Variants in SAGE1 observed in about 807,000 individuals in gnomAD.
The protein encoded by SAGE1 is cancer/testis antigen 14.
SAGE1 carries 55 observed loss-of-function variants against 55.4 expected under a neutral mutation model. That is an observed-to-expected ratio of 0.99 (90% CI 0.80 to 1.24). The LOEUF is 1.24. Among genes scored for constraint, SAGE1 ranks in the 50% most tolerant of loss-of-function variants. The probability of loss-of-function intolerance (pLI) is 0.00; values close to 1 mark genes in which losing one functional copy is unlikely to be tolerated. For synonymous variants in SAGE1, 240 were observed against 244.3 expected (o/e 0.98, Z 0.17); for missense variants, 710 against 704.4 (o/e 1.01, Z -0.09).
At chrX:135,898,678 C>T (rs2088624935) in intron 2 of SAGE1, among the ~76,000 whole-genome samples, 1 of 111,828 alleles carries the variant, frequency 8.9e-6, no homozygotes, top group Admixed American at 9.5e-5. Flanking sequence ...TTTTAGTAAT[C>T]GCCATTCTGA....
At chrX:135,895,874 A>G (rs1189573455) in intron 1 of SAGE1, among the ~76,000 whole-genome samples, 1 of 111,573 alleles carries the variant, frequency 9.0e-6, no homozygotes, top group Non-Finnish European at 1.9e-5. Context: ...TAATATTTAG[A>G]ATTATAGATT....
chrX:135,895,483 A>G (rs1182830377), intron 1 of SAGE1, among the ~76,000 whole-genome samples: 3 of 112,350 alleles, frequency 2.7e-5, no homozygotes, highest in Non-Finnish European at 3.8e-5. Flanking sequence ...TGTAGATTTA[A>G]TCAAATTATC....
At chrX:135,902,464 C>T (rs1238312187) in intron 3 of SAGE1, among the ~76,000 whole-genome samples, 9 of 112,588 alleles carry the variant, frequency 8.0e-5, no homozygotes, top group African/African-American at 2.9e-4. Flanking sequence ...ATTAAAGATA[C>T]TGTCCATTAG....
Position 135,911,344 on chromosome X carries a change from T to C in SAGE1, c.2146+12T>C, listed in dbSNP as rs1569521758. ...TACCAGGGATCTGTGTATGTTTGTG[T>C]ATTGGTTGTACTGTCCTACTTGGTT... On this transcript the variant is annotated intron_variant, in intron 17 of 19. Coordinates refer to ENST00000370709, the MANE Select transcript of SAGE1 (RefSeq NM_001381902.1). The C allele has an allele frequency of 1.2e-5, 14 of 1,203,056 alleles. No individual in the cohort carries two copies. Among genetic ancestry groups the C allele is most frequent in the Non-Finnish European group, 1.5e-5 (13 of 889,061 alleles).
Position 135,908,648 on chromosome X carries a change from C to T in SAGE1, c.1441+31C>T, listed in dbSNP as rs2088841794. ...TGTGTTTTTTAGTTATACCATCCTCCTTGATTTCCATATGCATGCATAGTG... is the reference window on the plus strand; with the variant it reads ...TGTGTTTTTTAGTTATACCATCCTCTTTGATTTCCATATGCATGCATAGTG... On this transcript the variant is annotated intron_variant, in intron 12 of 19. Coordinates refer to ENST00000370709, the MANE Select transcript of SAGE1 (RefSeq NM_001381902.1). The T allele has an allele frequency of 2.6e-6, 3 of 1,150,795 alleles. No individual in the cohort carries two copies. The African/African-American group carries it at 5.4e-5, about 21-fold the overall frequency. The allele number at this position is 1,150,795 out of a possible 1,213,427, so 94.8% of individuals were successfully genotyped here.
chrX:135,899,181 G>A (rs1407070985), intron 2 of SAGE1, among the ~76,000 whole-genome samples: 1 of 111,664 alleles, frequency 9.0e-6, no homozygotes, highest in African/African-American at 3.3e-5. Context: ...TAAGGTGTAA[G>A]GAAGGAGCCC....
chrX:135,909,909 C>T, intron 14 of SAGE1, 121 bp from the exon 15 acceptor site: 1 of 969,270 alleles, frequency 1.0e-6, no homozygotes, highest in Non-Finnish European at 1.4e-6. Flanking sequence ...AGATCGCCAT[C>T]TGGCATATCC....
At chrX:135,909,346 T>C (rs782795703) in intron 13 of SAGE1, among the ~76,000 whole-genome samples, 1 of 112,195 alleles carries the variant, frequency 8.9e-6, no homozygotes, top group South Asian at 3.7e-4. Context: ...GCAGGGCTTA[T>C]GAATGTCACA....
chrX:135,911,469 T>A, intron 17 of SAGE1, 110 bp from the exon 18 acceptor site: 1 of 870,011 alleles, frequency 1.1e-6, no homozygotes. Flanking sequence ...ACCTGGTGTA[T>A]CCTCTTGCTT....
chrX:135,910,634 T>C, intron 16 of SAGE1, 79 bp downstream of exon 16: 5 of 952,947 alleles, frequency 5.2e-6, no homozygotes, highest in Non-Finnish European at 6.0e-6. Flanking sequence ...GAAGGTAATT[T>C]TGTTGTATAT....
intron 1 of SAGE1, among the ~76,000 whole-genome samples, 138 bp downstream of exon 1, chrX:135,893,919 T>A (rs1277555780): frequency 4.4e-5 from 5 of 112,364 alleles, no homozygotes; most frequent in African/African-American, 1.6e-4. Context: ...CTGGTATTAT[T>A]TCTTCCTTAA....
chrX:135,908,910 C>T lies in SAGE1; in HGVS notation c.1488C>T (p.Gly496=), dbSNP rs1556604236. 1 of 1,208,410 alleles carries T rather than the reference C, an allele frequency of 8.3e-7. No individual in the cohort carries two copies. Among genetic ancestry groups the T allele is most frequent in the South Asian group, 1.8e-5 (1 of 56,814 alleles). ...TTCGTGAAGAGAAGATGGAAAGTGG[C>T]AAACCCCAAACTGATAAGGTCATAT... ...HSVREEKMES[G]KPQTDKVISN... Residue 496 remains glycine, a synonymous_variant, in exon 13 of 20, where the codon GGC becomes GGT. Coordinates refer to ENST00000370709, the MANE Select transcript of SAGE1 (RefSeq NM_001381902.1).
Position 135,906,463 on chromosome X carries a change from A to G in SAGE1, c.648A>G (p.Pro216=). The change falls in exon 7 of 20, where the codon CCA becomes CCG. Residue 216 remains proline, a synonymous_variant. Coordinates refer to ENST00000370709, the MANE Select transcript of SAGE1 (RefSeq NM_001381902.1). Reference sequence around the variant, plus strand: ...AACAGAAGATGGAAAATGTCCAACCAGCACCTGATAACGTGTTGTTGACTC... The same window carrying G: ...AACAGAAGATGGAAAATGTCCAACCGGCACCTGATAACGTGTTGTTGACTC... ...VCEQKMENVQ[P]APDNVLLTLR... 8.3e-7 allele frequency: 1 copy of G among 1,210,391 alleles called. No individual in the cohort carries two copies. Among genetic ancestry groups the G allele is most frequent in the East Asian group, 3.0e-5 (1 of 33,837 alleles).
intron 17 of SAGE1, 110 bp downstream of exon 17, chrX:135,911,442 A>AG: frequency 1.1e-6 from 1 of 935,425 alleles, no homozygotes; most frequent in African/African-American, 1.9e-5. Context: ...ACTTAGTTTG[A>AG]GGGGTCTTGG....
At chrX:135,911,393 G>T in intron 17 of SAGE1, 61 bp downstream of exon 17, 1 of 1,110,436 alleles carries the variant, frequency 9.0e-7, no homozygotes, top group Non-Finnish European at 1.2e-6. Context: ...ATAGTGTCCT[G>T]CAGGGAAGAA....
At chrX:135,908,382 T>G in intron 11 of SAGE1, 95 bp from the exon 12 acceptor site, 1 of 1,071,855 alleles carries the variant, frequency 9.3e-7, no homozygotes. Flanking sequence ...CTTTATGTGA[T>G]AAATTCCTAG....
At position 135,910,133 on chromosome X, in the gene SAGE1, A is replaced by G. The variant is rs1322028070; in HGVS notation, c.1827A>G (p.Ala609=). 3 of 1,206,148 alleles carry G rather than the reference A, an allele frequency of 2.5e-6. No homozygotes were observed. Among genetic ancestry groups the G allele is most frequent in the Non-Finnish European group, 3.4e-6 (3 of 891,778 alleles). Residue 609 remains alanine (A), a synonymous_variant, in exon 15 of 20, where the codon GCA becomes GCG. Coordinates refer to ENST00000370709, the MANE Select transcript of SAGE1 (RefSeq NM_001381902.1). ...TTCCACCAGCATTTATTAATATGGC[A>G]GCAACTGGTGTTTCATCCATGAGTA... ...STVPPAFINM[A]ATGVSSMSTR...
chrX:135,903,721 T>C lies in SAGE1; in HGVS notation c.221-756T>C, dbSNP rs782028708. ...GCTCACTTAGTCTGGCTTCCTGCTG[T>C]GCACAGCATGGCATTTATAGGTGAA... is the stretch of plus-strand genomic sequence containing the variant. On this transcript the variant is annotated intron_variant, in intron 3 of 19. Coordinates refer to ENST00000370709, the MANE Select transcript of SAGE1 (RefSeq NM_001381902.1). 4.5e-5 allele frequency among the ~76,000 whole-genome samples: 5 copies of C among 112,101 alleles called. No individual in the cohort carries two copies. In the East Asian group the frequency reaches 1.1e-3, roughly 25 times the overall value.
chrX:135,905,202 T>C, intron 4 of SAGE1, 50 bp from the exon 5 acceptor site: 3 of 1,144,298 alleles, frequency 2.6e-6, no homozygotes, highest in Non-Finnish European at 3.6e-6. Flanking sequence ...ACTGGTTCAA[T>C]TGTCATAATG....
Sources: allele counts gnomAD v4.1 joint callset (sites outside exome capture counted in the v4.1 genomes callset), GRCh38; gene constraint gnomAD v4.1.1; transcripts MANE v1.5; gene names NCBI Gene and HGNC (gene_info 2026-07-23, HGNC 2026-07-21).